Variants in COL8A1 observed in about 807,000 individuals in gnomAD.
The protein encoded by COL8A1 is collagen type VIII alpha 1 chain, also known as collagen alpha-1(VIII) chain.
In COL8A1, 21 loss-of-function variants were observed where a neutral mutation model predicts 42.7. The ratio of observed to expected loss-of-function variants is 0.49; its 90% CI spans 0.35 to 0.71. COL8A1 has a LOEUF of 0.71. Among genes scored for constraint, COL8A1 ranks in the 30% least tolerant of loss-of-function variants. COL8A1 has a pLI of 0.01. For missense variants in COL8A1, 788 were observed against 962.4 expected, an observed-to-expected ratio of 0.82 and a Z score of 2.40; for synonymous variants, 367 against 369.1, an observed-to-expected ratio of 0.99 and a Z score of 0.06.
chr3:99,750,100 C>T (rs57525901), intron 2 of COL8A1, among the ~76,000 whole-genome samples: 1,971 of 123,890 alleles, frequency 0.016, 47 homozygotes, highest in African/African-American at 0.057. Context: ...TCTGTTGCCA[C>T]GGCTGGAGTG....
chr3:99,688,662 C>T lies in COL8A1; in HGVS notation c.-129+49998C>T, dbSNP rs146807922. On this transcript the variant is annotated intron_variant, in intron 1 of 3. Transcript: ENST00000652472. ...GGGAGGTTCATTATTCAGCATACCACGGCTAGTTTACTGTATTATTATTAC... is the reference window on the plus strand; with the variant it reads ...GGGAGGTTCATTATTCAGCATACCATGGCTAGTTTACTGTATTATTATTAC... Among the ~76,000 whole-genome samples the T allele has an allele frequency of 1.6e-3, 248 of 152,250 alleles. 2 individuals carry two copies. The highest frequency in any genetic ancestry group is 5.6e-3 in the African/African-American group (233 of 41,538).
chr3:99,654,735 C>T (rs1937958059), intron 1 of COL8A1, among the ~76,000 whole-genome samples: 1 of 151,758 alleles, frequency 6.6e-6, no homozygotes, highest in South Asian at 2.1e-4. Context: ...CTGCAGTGAG[C>T]TGTAATTGTG....
rs1261557698 is a variant in COL8A1 at position 99,722,899 on chromosome 3, GT to G, written c.-128-21996del. On this transcript the variant is annotated intron_variant, in intron 1 of 3. Transcript: ENST00000652472. The stretch of plus-strand genomic sequence containing the variant: ...CTAGAGAAACAGAACACATTTACCT[GT>G]TAATATTTGTAGAATAAACCTCATG... Among the ~76,000 whole-genome samples the G allele has an allele frequency of 2.0e-5, 3 of 151,972 alleles. No individual in the cohort carries two copies. In the South Asian group the frequency reaches 6.2e-4, roughly 32 times the overall value.
intron 1 of COL8A1, among the ~76,000 whole-genome samples, chr3:99,652,297 T>C (rs900926959): frequency 6.6e-6 from 1 of 152,176 alleles, no homozygotes; most frequent in Non-Finnish European, 1.5e-5. Flanking sequence ...CTTTGAAACA[T>C]GAAAATAATC....
In COL8A1 at chr3:99,792,599, T is replaced by C. The variant is rs556277843; in HGVS notation, c.328+1589T>C. The stretch of plus-strand genomic sequence containing the variant: ...TAATCTTGTAGTGTGGCTGTATTAT[T>C]CTTATTCTTGCTGTACAGATAGGCA... On this transcript the variant is annotated intron_variant, in intron 3 of 3. Coordinates refer to ENST00000652472, the MANE Select transcript of COL8A1 (RefSeq NM_020351.4). 4.6e-5 allele frequency among the ~76,000 whole-genome samples: 7 copies of C among 152,316 alleles called. No individual in the cohort carries two copies. In the South Asian group the frequency reaches 6.2e-4, roughly 14 times the overall value.
At chr3:99,664,112 A>G (rs112764494) in intron 1 of COL8A1, among the ~76,000 whole-genome samples, 76 of 152,358 alleles carry the variant, frequency 5.0e-4, no homozygotes, top group African/African-American at 1.8e-3. Context: ...TTCTCCCATC[A>G]TAGAAAGGAC....
chr3:99,727,659 G>C (rs2107378933), intron 1 of COL8A1, among the ~76,000 whole-genome samples: 1 of 152,082 alleles, frequency 6.6e-6, no homozygotes, highest in East Asian at 1.9e-4. Flanking sequence ...ACGTCATCCT[G>C]ATACCAAAGC....
chr3:99,728,819 T>C (rs1038142394), intron 1 of COL8A1, among the ~76,000 whole-genome samples: 5 of 152,018 alleles, frequency 3.3e-5, no homozygotes, highest in African/African-American at 1.2e-4. Context: ...CTTCACTCTT[T>C]TTGGTTCAAT....
intron 1 of COL8A1, among the ~76,000 whole-genome samples, chr3:99,711,165 C>A (rs767293483): frequency 2.0e-5 from 3 of 152,094 alleles, no homozygotes; most frequent in South Asian, 4.1e-4. Flanking sequence ...TCCTGCTTTT[C>A]ACCTCATTAC....
intron 1 of COL8A1, among the ~76,000 whole-genome samples, chr3:99,687,922 C>T (rs184934309): frequency 1.2e-3 from 178 of 152,184 alleles, no homozygotes; most frequent in African/African-American, 4.0e-3. Context: ...ATAAAGTGCC[C>T]GTAAAAGAAA....
intron 1 of COL8A1, among the ~76,000 whole-genome samples, chr3:99,706,421 A>G (rs1365393128): frequency 6.6e-6 from 1 of 152,204 alleles, no homozygotes; most frequent in Non-Finnish European, 1.5e-5. Context: ...CTGGATGTTC[A>G]GTCATTTTCT....
chr3:99,788,955 C>G (rs1213133121), intron 2 of COL8A1, among the ~76,000 whole-genome samples: 1 of 152,038 alleles, frequency 6.6e-6, no homozygotes, highest in Middle Eastern at 3.2e-3. Context: ...ATCTGTCACC[C>G]CCACTAAGAG....
chr3:99,669,146 T>TATATATATATATATAGAGAGAG, intron 1 of COL8A1, among the ~76,000 whole-genome samples: 22 of 115,390 alleles, frequency 1.9e-4, no homozygotes, highest in Admixed American at 1.2e-3. Flanking sequence ...TATATATATA[T>TATATATATATATATAGAGAGAG]AGAGGGAGAG....
At chr3:99,726,677 C>T (rs2107377210) in intron 1 of COL8A1, among the ~76,000 whole-genome samples, 1 of 152,032 alleles carries the variant, frequency 6.6e-6, no homozygotes, top group Admixed American at 6.5e-5. Flanking sequence ...GAATCCTTTC[C>T]CCATTGCTTG....
At chr3:99,685,154 A>T (rs1283058584) in intron 1 of COL8A1, among the ~76,000 whole-genome samples, 1 of 152,220 alleles carries the variant, frequency 6.6e-6, no homozygotes, top group African/African-American at 2.4e-5. Context: ...TCAGACTCTA[A>T]GAAAACAAAT....
At chr3:99,755,455 T>G (rs989036040) in intron 2 of COL8A1, among the ~76,000 whole-genome samples, 1 of 152,184 alleles carries the variant, frequency 6.6e-6, no homozygotes, top group Admixed American at 6.5e-5. Context: ...AGTTTAGCAG[T>G]GAATGAGGGC....
At chr3:99,677,446 G>A (rs1299355987) in intron 1 of COL8A1, among the ~76,000 whole-genome samples, 1 of 152,082 alleles carries the variant, frequency 6.6e-6, no homozygotes, top group Non-Finnish European at 1.5e-5. Flanking sequence ...ACTTTCCACA[G>A]AAGCCTTGGT....
intron 1 of COL8A1, among the ~76,000 whole-genome samples, chr3:99,719,441 G>C (rs1940089155): frequency 6.6e-6 from 1 of 152,028 alleles, no homozygotes; most frequent in Non-Finnish European, 1.5e-5. Flanking sequence ...AAATGTAACA[G>C]GCACTCAGAA....
chr3:99,665,838 C>T (rs1243087225), intron 1 of COL8A1, among the ~76,000 whole-genome samples: 4 of 150,590 alleles, frequency 2.7e-5, no homozygotes, highest in African/African-American at 9.8e-5. Flanking sequence ...CCCGCTGCCA[C>T]ACTTAGCTAA....
Sources: allele counts gnomAD v4.1 joint callset (sites outside exome capture counted in the v4.1 genomes callset), GRCh38; gene constraint gnomAD v4.1.1; transcripts MANE v1.5; gene names NCBI Gene and HGNC (gene_info 2026-07-23, HGNC 2026-07-21).